Variants in DNAJC5B observed in about 807,000 individuals in gnomAD.
The protein encoded by DNAJC5B is DnaJ heat shock protein family (Hsp40) member C5 beta, also known as dnaJ homolog subfamily C member 5B.
A neutral mutation model predicts 24.7 loss-of-function variants in DNAJC5B; 23 were observed. The observed-to-expected ratio is 0.93, with a 90% CI of 0.67 to 1.32. DNAJC5B has a LOEUF of 1.32. Ranked by LOEUF, DNAJC5B falls within the 40% of genes most tolerant of loss-of-function variation. The probability of loss-of-function intolerance (pLI) is 0.00; values close to 1 mark genes in which losing one functional copy is unlikely to be tolerated. For missense variants in DNAJC5B, 238 were observed against 240.8 expected, an observed-to-expected ratio of 0.99 and a Z score of 0.08; for synonymous variants, 101 against 90.1, an observed-to-expected ratio of 1.12 and a Z score of -0.68.
At chr8:66,026,959 G>C (rs778369855) in intron 1 of DNAJC5B, among the ~76,000 whole-genome samples, 4 of 152,152 alleles carry the variant, frequency 2.6e-5, no homozygotes, top group Non-Finnish European at 5.9e-5. Flanking sequence ...TAAATATATG[G>C]GGTACAAGTG....
intron 3 of DNAJC5B, among the ~76,000 whole-genome samples, chr8:66,074,493 G>A (rs1373212244): frequency 1.3e-5 from 2 of 152,194 alleles, no homozygotes; most frequent in African/African-American, 2.4e-5. Context: ...GGAAATTAGA[G>A]GCATTGAATG....
At chr8:66,020,533 G>GAA (rs1431214126), upstream of DNAJC5B, among the ~76,000 whole-genome samples, 1 of 151,396 alleles carries the variant, frequency 6.6e-6, no homozygotes, top group Non-Finnish European at 1.5e-5. Flanking sequence ...TTTCTTTACA[G>GAA]ATTGCTCCTC....
intron 3 of DNAJC5B, chr8:66,058,122 T>C (rs1228349383): frequency 1.3e-5 from 2 of 152,242 alleles, no homozygotes; most frequent in Non-Finnish European, 1.5e-5. Context: ...CAGTATATCT[T>C]AAAGATAATT....
At chr8:66,032,324 G>T (rs1806376989) in intron 1 of DNAJC5B, among the ~76,000 whole-genome samples, 1 of 152,274 alleles carries the variant, frequency 6.6e-6, no homozygotes, top group Admixed American at 6.5e-5. Flanking sequence ...ACCTGAACAT[G>T]TGGGACCTGA....
At chr8:66,033,659 A>G (rs1320566364) in intron 1 of DNAJC5B, among the ~76,000 whole-genome samples, 2 of 151,688 alleles carry the variant, frequency 1.3e-5, no homozygotes, top group Non-Finnish European at 2.9e-5. Flanking sequence ...TCAGCCTAGG[A>G]CTCTGAGAAT....
At chr8:66,090,280 T>TGG (rs59475103) in intron 5 of DNAJC5B, among the ~76,000 whole-genome samples, 5 of 146,718 alleles carry the variant, frequency 3.4e-5, no homozygotes, top group Non-Finnish European at 7.6e-5. Context: ...TGTGTGTGTG[T>TGG]GGTAGAGAGA....
At chr8:66,098,792 A>T (rs1808010062) in intron 5 of DNAJC5B, among the ~76,000 whole-genome samples, 1 of 152,046 alleles carries the variant, frequency 6.6e-6, no homozygotes, top group African/African-American at 2.4e-5. Flanking sequence ...TTTAATCTCC[A>T]GAAATTCTGT....
chr8:66,064,312 G>T (rs1220714478), intron 3 of DNAJC5B, among the ~76,000 whole-genome samples: 1 of 152,200 alleles, frequency 6.6e-6, no homozygotes, highest in Non-Finnish European at 1.5e-5. Context: ...GCTATTGGCA[G>T]GGACTGCTTC....
At chr8:66,027,782 T>A (rs1806278427) in intron 1 of DNAJC5B, among the ~76,000 whole-genome samples, 1 of 152,192 alleles carries the variant, frequency 6.6e-6, no homozygotes, top group African/African-American at 2.4e-5. Context: ...CAAGCTTATC[T>A]CCTCTCATAC....
chr8:66,022,045 T>C (rs1016418025), intron 1 of DNAJC5B, among the ~76,000 whole-genome samples: 1 of 152,116 alleles, frequency 6.6e-6, no homozygotes, highest in Admixed American at 6.5e-5. Flanking sequence ...AAAGTTGTAT[T>C]ATGGGTTAGC....
chr8:66,029,456 T>C (rs568344192), intron 1 of DNAJC5B, among the ~76,000 whole-genome samples: 1 of 152,270 alleles, frequency 6.6e-6, no homozygotes, highest in South Asian at 2.1e-4. Flanking sequence ...AGCTGGACTT[T>C]TAGCTAAAGA....
rs1403511688 is a variant in DNAJC5B, at chr8:66,043,562, G to C, written c.-67G>C. The C allele has an allele frequency of 2.0e-5, 3 of 152,208 alleles. No homozygotes were observed. The highest frequency in any genetic ancestry group is 1.3e-4 in the Admixed American group (2 of 15,280). 9.4% of individuals were successfully genotyped at this position (152,208 alleles called of 1,614,324 possible). On this transcript the variant is annotated 5_prime_UTR_variant, in exon 2 of 6. Transcript: ENST00000276570. Reference sequence around the variant, plus strand: ...CTATTGACCTGCTTAACCCTGCATGGGGGGGAAGGATGGAAAGGAGCAGCT... The same window carrying C: ...CTATTGACCTGCTTAACCCTGCATGCGGGGGAAGGATGGAAAGGAGCAGCT...
intron 4 of DNAJC5B, 95 bp downstream of exon 4, chr8:66,076,968 C>A: frequency 2.4e-6 from 3 of 1,270,444 alleles, no homozygotes; most frequent in South Asian, 1.3e-5. Context: ...AACCTTCCTG[C>A]TATTAAACTC....
In DNAJC5B at chr8:66,052,447, A is replaced by T. The variant is rs78614294; in HGVS notation, c.119+781A>T. Among the ~76,000 whole-genome samples the T allele has an allele frequency of 4.2e-3, 636 of 152,294 alleles. 16 individuals are homozygous for T. The East Asian group carries it at 0.082, about 20-fold the overall frequency. On this transcript the variant is annotated intron_variant, in intron 3 of 5. Coordinates refer to ENST00000276570, the MANE Select transcript of DNAJC5B (RefSeq NM_033105.6). ...TGAAATGTCTTTTTATTTTAAGTCC[A>T]AGGAATAAAAAAATGTTGAGGGAGA...
At chr8:66,020,669 A>C (rs1321656419), upstream of DNAJC5B, among the ~76,000 whole-genome samples, 1 of 142,086 alleles carries the variant, frequency 7.0e-6, no homozygotes, top group Non-Finnish European at 1.5e-5. Context: ...ACAAGGTTTC[A>C]TTCTGCCGTC....
chr8:66,024,465 G>A (rs1444461863), intron 1 of DNAJC5B, among the ~76,000 whole-genome samples: 5 of 117,612 alleles, frequency 4.3e-5, no homozygotes, highest in Non-Finnish European at 8.3e-5. Context: ...TAGGGTACAT[G>A]TGCACATTGT....
At chr8:66,053,952 T>A (rs77843577) in intron 3 of DNAJC5B, among the ~76,000 whole-genome samples, 2 of 151,446 alleles carry the variant, frequency 1.3e-5, no homozygotes, top group South Asian at 2.1e-4. Context: ...TTTTTTTTTT[T>A]AACAAGGTCT....
At chr8:66,095,133 C>T (rs914359261) in intron 5 of DNAJC5B, among the ~76,000 whole-genome samples, 33 of 151,874 alleles carry the variant, frequency 2.2e-4, no homozygotes, top group African/African-American at 8.0e-4. Context: ...CGAAGTATTC[C>T]TTTGTTTTTT....
In DNAJC5B at chr8:66,058,850, A is replaced by G. The variant is rs983721207; in HGVS notation, c.119+7184A>G. On this transcript the variant is annotated intron_variant, in intron 3 of 5. Coordinates refer to ENST00000276570, the MANE Select transcript of DNAJC5B (RefSeq NM_033105.6). The stretch of plus-strand genomic sequence containing the variant: ...AAGGCTTTTACTGTGCCAATCCATC[A>G]GGTATTGAAGCTCTTGCCTTATTGA... Among the ~76,000 whole-genome samples the G allele has an allele frequency of 5.9e-5, 9 of 152,218 alleles. No homozygotes were observed. In the South Asian group the frequency reaches 1.7e-3, roughly 28 times the overall value.
Sources: allele counts gnomAD v4.1 joint callset (sites outside exome capture counted in the v4.1 genomes callset), GRCh38; gene constraint gnomAD v4.1.1; transcripts MANE v1.5; gene names NCBI Gene and HGNC (gene_info 2026-07-23, HGNC 2026-07-21).